KCNJ6: variants seen among roughly 807,000 people sequenced by gnomAD.
KCNJ6 encodes the protein potassium inwardly rectifying channel subfamily J member 6.
KCNJ6 carries 9 observed loss-of-function variants against 34.2 expected under a neutral mutation model. The observed-to-expected ratio is 0.26, with a 90% CI of 0.16 to 0.46. The LOEUF (loss-of-function observed/expected upper bound fraction) is 0.46. Among genes scored for constraint, KCNJ6 ranks in the 20% least tolerant of loss-of-function variants. KCNJ6 has a pLI of 1.00. For synonymous variants in KCNJ6, 196 were observed against 207.1 expected (o/e 0.95, Z 0.46); for missense variants, 236 against 531.3 (o/e 0.44, Z 5.46).
At chr21:37,857,697 A>ACTG (rs965180026) in intron 1 of KCNJ6, among the ~76,000 whole-genome samples, 1 of 152,174 alleles carries the variant, frequency 6.6e-6, no homozygotes, top group Non-Finnish European at 1.5e-5. Flanking sequence ...TTCACAAATT[A>ACTG]CTGACCCAGA....
chr21:37,875,263 A>G (rs2055672226), intron 1 of KCNJ6, among the ~76,000 whole-genome samples: 1 of 152,232 alleles, frequency 6.6e-6, no homozygotes, highest in Non-Finnish European at 1.5e-5. Flanking sequence ...TTTAAAAAAG[A>G]ATTGAAAAGC....
chr21:37,650,406 C>T (rs531654788), intron 3 of KCNJ6, among the ~76,000 whole-genome samples: 1 of 152,264 alleles, frequency 6.6e-6, no homozygotes, highest in South Asian at 2.1e-4. Context: ...AATAATACCT[C>T]CAGGTTGTTG....
chr21:37,650,056 C>T (rs2054426115), intron 3 of KCNJ6, among the ~76,000 whole-genome samples: 1 of 152,168 alleles, frequency 6.6e-6, no homozygotes, highest in Admixed American at 6.5e-5. Context: ...AACCACCGCG[C>T]CTGGCCTAAT....
chr21:37,655,240 AGAGAGAGAGAGAGAGAGAGAG>A (rs2054457337), intron 3 of KCNJ6, among the ~76,000 whole-genome samples: 2 of 8,874 alleles, frequency 2.3e-4, no homozygotes, highest in Admixed American at 1.5e-3. Context: ...AGAGAGAGAG[AGAGAGAGAGAGAGAGAGAGAG>A]AGAGAGAGAG....
chr21:37,865,449 C>A (rs2055618020), intron 1 of KCNJ6, among the ~76,000 whole-genome samples: 1 of 152,214 alleles, frequency 6.6e-6, no homozygotes, highest in African/African-American at 2.4e-5. Context: ...AGGAAAGACA[C>A]TGGCTGGAGG....
intron 2 of KCNJ6, among the ~76,000 whole-genome samples, chr21:37,839,693 A>G (rs1301295438): frequency 6.6e-6 from 1 of 152,254 alleles, no homozygotes; most frequent in Non-Finnish European, 1.5e-5. Context: ...GGAAAAAAAT[A>G]TGCCTTGTAT....
chr21:37,632,922 A>T (rs1010009551), intron 3 of KCNJ6, among the ~76,000 whole-genome samples: 3 of 152,178 alleles, frequency 2.0e-5, no homozygotes, highest in Admixed American at 1.3e-4. Context: ...CTAGGAAGAA[A>T]TCATGATAAT....
rs547719282 is a variant in KCNJ6 at position 37,615,859 on chromosome 21, T to C, written c.*9300A>G. ...GATAATACAAAAATAATTTTGAAAA[T>C]TTTTTAAAGGCAAATGTGACTGGAG... On this transcript the variant is annotated 3_prime_UTR_variant, in exon 4 of 4. Transcript: ENST00000609713. 6.6e-6 allele frequency: 1 copy of C among 152,184 alleles called. No individual in the cohort carries two copies. The allele number at this position is 152,184 out of a possible 1,614,324, so 9.4% of individuals were successfully genotyped here.
At chr21:37,635,363 G>T (rs547832857) in intron 3 of KCNJ6, among the ~76,000 whole-genome samples, 1 of 151,722 alleles carries the variant, frequency 6.6e-6, no homozygotes. Flanking sequence ...GAGTATAGGC[G>T]CTTGCCAGCA....
At chr21:37,748,835 C>T (rs979403965) in intron 2 of KCNJ6, among the ~76,000 whole-genome samples, 6 of 152,100 alleles carry the variant, frequency 3.9e-5, no homozygotes, top group African/African-American at 9.7e-5. Flanking sequence ...CCGCAAAACT[C>T]GGGAGCCCAG....
At chr21:37,859,759 G>A (rs2055585624) in intron 1 of KCNJ6, among the ~76,000 whole-genome samples, 1 of 151,280 alleles carries the variant, frequency 6.6e-6, no homozygotes, top group Non-Finnish European at 1.5e-5. Flanking sequence ...GAAGGTTACA[G>A]TCAACTAAAA....
At chr21:37,757,779 G>A (rs1463559866) in intron 2 of KCNJ6, among the ~76,000 whole-genome samples, 1 of 152,278 alleles carries the variant, frequency 6.6e-6, no homozygotes, top group Non-Finnish European at 1.5e-5. Context: ...TTACGGAGAA[G>A]AGAACACCAT....
At chr21:37,783,655 G>C (rs1472690765) in intron 2 of KCNJ6, among the ~76,000 whole-genome samples, 1 of 152,204 alleles carries the variant, frequency 6.6e-6, no homozygotes, top group African/African-American at 2.4e-5. Flanking sequence ...TCTCTTGTTA[G>C]AGGGTATCAA....
intron 3 of KCNJ6, among the ~76,000 whole-genome samples, chr21:37,693,429 G>A (rs181805480): frequency 6.6e-6 from 1 of 152,324 alleles, no homozygotes; most frequent in Non-Finnish European, 1.5e-5. Context: ...CCATAAGACA[G>A]AATCCTGGAG....
rs755066707 is a variant in KCNJ6 at position 37,616,590 on chromosome 21, C to CATATATATATACATAT, written c.*8568_*8569insATATGTATATATATAT. On this transcript the variant is annotated 3_prime_UTR_variant, in exon 4 of 4. Transcript: ENST00000609713. The stretch of plus-strand genomic sequence containing the variant: ...AATTATGAAGCAGGAACAAAATGTA[C>CATATATATATACATAT]ATATATATATATATATATATATATA... 1.1e-5 allele frequency: 1 copy of CATATATATATACATAT among 90,916 alleles called. No individual in the cohort carries two copies. The highest frequency in any genetic ancestry group is 4.6e-5 in the African/African-American group (1 of 21,756). 5.6% of individuals were successfully genotyped at this position (90,916 alleles called of 1,614,324 possible). A position where few individuals can be genotyped will look rare whatever the true frequency, so the allele number is the denominator to read the frequency against.
rs547168883 is a variant in KCNJ6 at position 37,811,530 on chromosome 21, G to T, written c.25+29128C>A. ...TTAAATTGCAGGATGCTGAGCTGGT[G>T]TCAGAGAATTGGTGGATGTGGGAAA... is the stretch of plus-strand genomic sequence containing the variant. On this transcript the variant is annotated intron_variant, in intron 2 of 3. Coordinates refer to ENST00000609713, the MANE Select transcript of KCNJ6 (RefSeq NM_002240.5). 1.9e-3 allele frequency among the ~76,000 whole-genome samples: 294 copies of T among 152,338 alleles called. 2 individuals carry two copies. Among genetic ancestry groups the T allele is most frequent in the African/African-American group, 6.7e-3 (278 of 41,574 alleles).
rs1174484238 is a variant in KCNJ6, at chr21:37,611,343, CA to C, written c.*13815del. 1.3e-5 allele frequency: 2 copies of C among 152,148 alleles called. No homozygotes were observed. The highest frequency in any genetic ancestry group is 2.9e-5 in the Non-Finnish European group (2 of 68,022). 9.4% of individuals were successfully genotyped at this position (152,148 alleles called of 1,614,324 possible). On this transcript the variant is annotated 3_prime_UTR_variant, in exon 4 of 4. Transcript: ENST00000609713. ...TATATCTCTGTTAAATAATTTGAAT[CA>C]ATGGTTAGTAACCTCCCCAACCAGA... is the stretch of plus-strand genomic sequence containing the variant.
At chr21:37,633,927 T>TG (rs527442734) in intron 3 of KCNJ6, among the ~76,000 whole-genome samples, 10 of 103,754 alleles carry the variant, frequency 9.6e-5, no homozygotes, top group African/African-American at 3.7e-4. Context: ...ATTCTTAAAG[T>TG]CAAAAAAAAA....
chr21:37,780,057 G>A (rs2055161752), intron 2 of KCNJ6, among the ~76,000 whole-genome samples: 1 of 152,132 alleles, frequency 6.6e-6, no homozygotes, highest in Non-Finnish European at 1.5e-5. Context: ...GAGGTTGGGA[G>A]AGAAAGCGTG....
Sources: allele counts gnomAD v4.1 joint callset (sites outside exome capture counted in the v4.1 genomes callset), GRCh38; gene constraint gnomAD v4.1.1; transcripts MANE v1.5; gene names NCBI Gene and HGNC (gene_info 2026-07-23, HGNC 2026-07-21).